The following FMN1 variants were observed in gnomAD, a reference collection of about 807,000 sequenced individuals.
FMN1 encodes the protein formin 1, also known as formin-1.
A neutral mutation model predicts 132.4 loss-of-function variants in FMN1; 110 were observed. That is an observed-to-expected ratio of 0.83 (90% CI 0.71 to 0.97). The LOEUF (loss-of-function observed/expected upper bound fraction) is 0.97. FMN1 is among the 50% of genes least tolerant of loss of function. The probability of loss-of-function intolerance (pLI) is 0.00; values close to 1 mark genes in which losing one functional copy is unlikely to be tolerated. For synonymous variants in FMN1, 722 were observed against 651.7 expected (o/e 1.11, Z -1.64); for missense variants, 1,792 against 1,705.3 (o/e 1.05, Z -0.90).
At chr15:32,813,111 T>A (rs1349729317) in intron 17 of FMN1, among the ~76,000 whole-genome samples, 1 of 152,216 alleles carries the variant, frequency 6.6e-6, no homozygotes. Context: ...TTAGGTATCA[T>A]AAGTAATCTA....
rs1030024162 is a variant in FMN1, at chr15:32,959,350, G to T, written c.3138+4757C>A. Among the ~76,000 whole-genome samples the T allele has an allele frequency of 5.3e-5, 8 of 152,268 alleles. No individual in the cohort carries two copies. In the East Asian group the frequency reaches 5.8e-4, roughly 11 times the overall value. On this transcript the variant is annotated intron_variant, in intron 9 of 20. Transcript: ENST00000616417. ...CATCTGACTCTCAGAAGAGACCAAG[G>T]GATCCATCTTGATGTTGGAAATCTG...
intron 16 of FMN1, among the ~76,000 whole-genome samples, chr15:32,861,918 G>A (rs1164604850): frequency 6.6e-6 from 1 of 152,142 alleles, no homozygotes; most frequent in Non-Finnish European, 1.5e-5. Context: ...CAGTACAAAC[G>A]AGAGCAGCTC....
At chr15:33,041,457 G>A (rs1278392223) in intron 6 of FMN1, among the ~76,000 whole-genome samples, 5 of 110,588 alleles carry the variant, frequency 4.5e-5, no homozygotes, top group South Asian at 2.9e-4. Context: ...TTCTTTCGAC[G>A]TTCCTCACCA....
At position 33,075,562 on chromosome 15, in the gene FMN1, G is replaced by A. The variant is rs927306617; in HGVS notation, c.2044-10488C>T. Among the ~76,000 whole-genome samples, 10 of 152,276 alleles carry A rather than the reference G, an allele frequency of 6.6e-5. No homozygotes were observed. In the South Asian group the frequency reaches 2.1e-3, roughly 32 times the overall value. The stretch of plus-strand genomic sequence containing the variant: ...CTTCCATCTGTGTCACTTGAGAAGA[G>A]AATAAAGTTTTCTCAAGTGGCCACT... On this transcript the variant is annotated intron_variant, in intron 5 of 20. Coordinates refer to ENST00000616417, the MANE Select transcript of FMN1 (RefSeq NM_001277313.2).
At chr15:33,100,409 G>T (rs927002139) in intron 4 of FMN1, among the ~76,000 whole-genome samples, 1 of 152,050 alleles carries the variant, frequency 6.6e-6, no homozygotes. Flanking sequence ...ACTTTGAAAA[G>T]ATATTTGGCA....
At position 32,775,662 on chromosome 15, in the gene FMN1, A is replaced by G. The variant is rs138439710; in HGVS notation, c.4215+1173T>C. Among the ~76,000 whole-genome samples, 6 of 152,350 alleles carry G rather than the reference A, an allele frequency of 3.9e-5. No homozygotes were observed. The East Asian group carries it at 1.2e-3, about 29-fold the overall frequency. Reference sequence around the variant, plus strand: ...TGCTCAACCATGGCTTTCCCCGACCAAAAAGTATAGCCCGGACTTCTCCAT... The same window carrying G: ...TGCTCAACCATGGCTTTCCCCGACCGAAAAGTATAGCCCGGACTTCTCCAT... On this transcript the variant is annotated intron_variant, in intron 20 of 20. Transcript: ENST00000616417.
At position 33,154,169 on chromosome 15, in the gene FMN1, C is replaced by T; in HGVS notation, c.746G>A (p.Gly249Asp). ...GAAAGCCGTCTCAAAGCTCCCAAAG[C>T]CAAGGTCTGTGTCTGGCGTCTTGGG... Reference protein sequence around the residue: ...DIPKTPDTDLGFGSFETAFKD... With the variant: ...DIPKTPDTDLDFGSFETAFKD... The change falls in exon 4 of 21, where the codon GGC becomes GAC. Residue 249 changes from glycine to aspartate, a missense_variant. By Grantham distance (94) the Gly-to-Asp change is moderately conservative. Around this residue, in one of 3 missense-constraint regions of FMN1, gnomAD observed 638 missense variants for 645.2 expected, o/e 0.99. Coordinates refer to ENST00000616417, the MANE Select transcript of FMN1 (RefSeq NM_001277313.2). 6.5e-7 allele frequency: 1 copy of T among 1,536,474 alleles called. No individual in the cohort carries two copies. Among genetic ancestry groups the T allele is most frequent in the South Asian group, 1.2e-5 (1 of 84,062 alleles).
chr15:33,169,859 T>G (rs1595595001), intron 3 of FMN1, among the ~76,000 whole-genome samples: 1 of 151,696 alleles, frequency 6.6e-6, no homozygotes, highest in Non-Finnish European at 1.5e-5. Flanking sequence ...TATTCTTTTG[T>G]CATCAGATTA....
At chr15:32,823,168 T>C (rs200277272) in intron 17 of FMN1, among the ~76,000 whole-genome samples, 1 of 99,210 alleles carries the variant, frequency 1.0e-5, no homozygotes, top group East Asian at 3.0e-4. Context: ...TTTTTTTTTT[T>C]TTTTTTTTTT....
At chr15:33,189,950 G>A (rs1035156841) in intron 2 of FMN1, among the ~76,000 whole-genome samples, 2 of 152,138 alleles carry the variant, frequency 1.3e-5, no homozygotes, top group African/African-American at 2.4e-5. Flanking sequence ...TTATTAGGAC[G>A]CACAGGGCTG....
chr15:32,877,535 T>C lies in FMN1; in HGVS notation c.3835+10637A>G, dbSNP rs534202038. On this transcript the variant is annotated intron_variant, in intron 16 of 20. Coordinates refer to ENST00000616417, the MANE Select transcript of FMN1 (RefSeq NM_001277313.2). ...AACCCTTCATGAACAAGGAGAATTA[T>C]AGAATGCACTGAAATAGCATAGTAA... Among the ~76,000 whole-genome samples, 9 of 152,314 alleles carry C rather than the reference T, an allele frequency of 5.9e-5. 1 individual carries two copies. The highest frequency in any genetic ancestry group is 1.9e-4 in the East Asian group (1 of 5,182).
At chr15:32,942,192 C>A (rs2061416221) in intron 9 of FMN1, among the ~76,000 whole-genome samples, 1 of 152,252 alleles carries the variant, frequency 6.6e-6, no homozygotes, top group Admixed American at 6.5e-5. Context: ...CAGGCCCACA[C>A]TGTCTAAACC....
At chr15:33,170,231 T>C (rs990808387) in intron 3 of FMN1, among the ~76,000 whole-genome samples, 2 of 152,078 alleles carry the variant, frequency 1.3e-5, no homozygotes, top group African/African-American at 4.8e-5. Context: ...AGAAATAAAC[T>C]AGACTTGCTA....
At chr15:33,102,635 GGA>G (rs1294114599) in intron 4 of FMN1, among the ~76,000 whole-genome samples, 1 of 152,034 alleles carries the variant, frequency 6.6e-6, no homozygotes, top group African/African-American at 2.4e-5. Flanking sequence ...CACAATGGCA[GGA>G]AAAGCCCATG....
intron 19 of FMN1, among the ~76,000 whole-genome samples, chr15:32,794,608 T>C (rs969271698): frequency 2.0e-5 from 3 of 152,144 alleles, no homozygotes; most frequent in Admixed American, 1.3e-4. Context: ...GAGTAAAGAA[T>C]AGCCAATAAA....
At chr15:33,101,011 TTTC>T (rs1033189148) in intron 4 of FMN1, among the ~76,000 whole-genome samples, 7 of 152,212 alleles carry the variant, frequency 4.6e-5, no homozygotes, top group African/African-American at 1.4e-4. Flanking sequence ...TAGCAACAAG[TTTC>T]TTCTTTATAT....
intron 17 of FMN1, among the ~76,000 whole-genome samples, chr15:32,822,278 G>A (rs548414122): frequency 5.6e-4 from 85 of 152,328 alleles, no homozygotes; most frequent in African/African-American, 2.0e-3. Flanking sequence ...GAACCCAGGA[G>A]GTGGAGGTTG....
At chr15:32,971,304 T>TA (rs1398645370) in intron 7 of FMN1, among the ~76,000 whole-genome samples, 1 of 152,204 alleles carries the variant, frequency 6.6e-6, no homozygotes, top group East Asian at 1.9e-4. Flanking sequence ...AATTATTTTT[T>TA]AAAATTTTCA....
intron 17 of FMN1, among the ~76,000 whole-genome samples, chr15:32,850,764 T>G (rs1008295018): frequency 4.6e-5 from 7 of 152,268 alleles, no homozygotes; most frequent in Non-Finnish European, 7.3e-5. Flanking sequence ...TTACTGCTTT[T>G]GTTTATTTTA....
Sources: allele counts gnomAD v4.1 joint callset (sites outside exome capture counted in the v4.1 genomes callset), GRCh38; gene constraint gnomAD v4.1.1; regional missense constraint gnomAD v4.1.1; transcripts MANE v1.5; gene names NCBI Gene and HGNC (gene_info 2026-07-23, HGNC 2026-07-21).